The following PTPRS variants were observed in gnomAD, a reference collection of about 807,000 sequenced individuals.
PTPRS encodes the protein receptor-type tyrosine-protein phosphatase S.
In PTPRS, 63 loss-of-function variants were observed where a neutral mutation model predicts 215.3. That is an observed-to-expected ratio of 0.29 (90% CI 0.24 to 0.36). PTPRS has a LOEUF of 0.36. Among genes scored for constraint, PTPRS ranks in the 10% least tolerant of loss-of-function variants. PTPRS has a pLI of 1.00. For missense variants in PTPRS, 2,258 were observed against 2,825.8 expected (o/e 0.80, Z 4.56); for synonymous variants, 1,404 against 1,191.4 (o/e 1.18, Z -3.68).
chr19:5,236,374 G>A (rs1241760195), intron 13 of PTPRS, among the ~76,000 whole-genome samples: 2 of 152,254 alleles, frequency 1.3e-5, no homozygotes, highest in African/African-American at 4.8e-5. Context: ...ACTTGGCCGT[G>A]ATTCACAGGC....
In PTPRS at chr19:5,231,381, G is replaced by A. The variant is rs370330291; in HGVS notation, c.2084C>T (p.Thr695Met). ...TCCCACCTCTGTGTGAGCGACAGTC[G>A]TGATGCGGTACTGGGTCCACTTCTC... ...ALEKWTQYRITTVAHTEVGPG... is the reference protein window; with the variant it reads ...ALEKWTQYRIMTVAHTEVGPG... Residue 695 changes from threonine to methionine, a missense_variant, in exon 14 of 38, where the codon ACG (threonine) becomes ATG (methionine). Physicochemically the swap from Thr to Met is moderately conservative, Grantham distance 81. This residue lies in a region of PTPRS where 371 missense variants were observed against 446.7 expected (regional missense o/e 0.83). Coordinates refer to ENST00000262963, the MANE Select transcript of PTPRS (RefSeq NM_002850.4). 9 of 1,612,934 alleles carry A rather than the reference G, an allele frequency of 5.6e-6. No individual in the cohort carries two copies. Among genetic ancestry groups the A allele is most frequent in the African/African-American group, 1.3e-5 (1 of 74,864 alleles).
chr19:5,210,388 T>C lies in PTPRS; in HGVS notation c.5487+81A>G. 1 of 1,590,454 alleles carries C rather than the reference T, an allele frequency of 6.3e-7. No homozygotes were observed. Among genetic ancestry groups the C allele is most frequent in the Non-Finnish European group, 8.6e-7 (1 of 1,164,170 alleles). The stretch of plus-strand genomic sequence containing the variant: ...AATGCTTATGCCTAACCCTTGGCCT[T>C]TGTATCCATCACCAACCAGGGCAGC... On this transcript the variant is annotated intron_variant, in intron 35 of 37. Coordinates refer to ENST00000262963, the MANE Select transcript of PTPRS (RefSeq NM_002850.4). This position sits in a 1 kb window ranked among gnomAD's most constrained non-coding sequence, Gnocchi z 4.5.
At chr19:5,220,884 G>T in intron 20 of PTPRS, 116 bp downstream of exon 20, 2 of 1,232,648 alleles carry the variant, frequency 1.6e-6, no homozygotes, top group South Asian at 2.9e-5. Context: ...AGGGCTGATA[G>T]GGTCTGTGTT....
In PTPRS at chr19:5,338,015, G is replaced by T. The variant is rs1045624694; in HGVS notation, c.-95+2649C>A. ...GCTCTCAAGGTTTCCTGGAGAGGGG[G>T]AAATCGTCCCCGGAGCTGACCTGCC... On this transcript the variant is annotated intron_variant, in intron 1 of 37. Transcript: ENST00000262963. This position sits in a 1 kb window ranked among gnomAD's most constrained non-coding sequence, Gnocchi z 4.2. 3.3e-5 allele frequency among the ~76,000 whole-genome samples: 5 copies of T among 152,134 alleles called. No homozygotes were observed. Among genetic ancestry groups the T allele is most frequent in the Non-Finnish European group, 5.9e-5 (4 of 68,016 alleles).
chr19:5,314,927 T>C (rs2049824146), intron 1 of PTPRS, among the ~76,000 whole-genome samples: 1 of 152,192 alleles, frequency 6.6e-6, no homozygotes, highest in Non-Finnish European at 1.5e-5. Flanking sequence ...ATGGCGTCAT[T>C]CAGATTTGGG....
At chr19:5,292,198 T>C (rs11085123) in intron 1 of PTPRS, among the ~76,000 whole-genome samples, 24,103 of 152,114 alleles carry the variant, frequency 0.16, 3,110 homozygotes, top group African/African-American at 0.36. Context: ...ATGCACTGGA[T>C]GCCTGCTGCA....
rs1283176225 is a variant in PTPRS, at chr19:5,210,934, A to G, written c.5235-129T>C. 4.6e-6 allele frequency: 6 copies of G among 1,300,338 alleles called. No individual in the cohort carries two copies. The highest frequency in any genetic ancestry group is 5.2e-6 in the Non-Finnish European group (5 of 967,016). 80.6% of individuals were successfully genotyped at this position (1,300,338 alleles called of 1,614,324 possible). A position where few individuals can be genotyped will look rare whatever the true frequency, so the allele number is the denominator to read the frequency against. On this transcript the variant is annotated intron_variant, in intron 33 of 37. Transcript: ENST00000262963. The surrounding 1 kb of genome is among the most constrained non-coding windows in gnomAD (Gnocchi z 4.5). ...CCTACCACCCCACTGCCTGCCAGGA[A>G]TGGCTGCTGGGTGCACCACTTCCCC...
intron 37 of PTPRS, among the ~76,000 whole-genome samples, chr19:5,207,565 C>T (rs1468155688): frequency 6.6e-6 from 1 of 152,196 alleles, no homozygotes; most frequent in African/African-American, 2.4e-5. Flanking sequence ...CTGGAACATT[C>T]CCCTTGAAGC....
At chr19:5,226,058 C>T (rs1393770220) in intron 16 of PTPRS, among the ~76,000 whole-genome samples, 2 of 152,160 alleles carry the variant, frequency 1.3e-5, no homozygotes, top group Non-Finnish European at 1.5e-5. Context: ...TTGTCGCTTG[C>T]CAGGACCAAC....
At chr19:5,260,904 G>A (rs2045943856) in intron 6 of PTPRS, 82 bp from the exon 7 acceptor site, 1 of 1,519,612 alleles carries the variant, frequency 6.6e-7, no homozygotes. Flanking sequence ...AGCTGGGCTG[G>A]GCCGTAAGCC....
At chr19:5,281,073 T>C (rs2146769006) in intron 2 of PTPRS, among the ~76,000 whole-genome samples, 1 of 152,044 alleles carries the variant, frequency 6.6e-6, no homozygotes, top group South Asian at 2.1e-4. Flanking sequence ...ATTACAGGTA[T>C]GAGGCGCCGC....
chr19:5,339,356 GGGAGACGA>G lies in PTPRS; in HGVS notation c.-95+1300_-95+1307del, dbSNP rs1465215104. ...GGCGTTCTTGGAAGCTGCATATTTA[GGGAGACGA>G]GAAGACGATTTGAGACTGGGGAAAG... On this transcript the variant is annotated intron_variant, in intron 1 of 37. Transcript: ENST00000262963. The surrounding 1 kb of genome is among the most constrained non-coding windows in gnomAD (Gnocchi z 4.2). Among the ~76,000 whole-genome samples the G allele has an allele frequency of 2.6e-5, 4 of 152,230 alleles. No individual in the cohort carries two copies. The highest frequency in any genetic ancestry group is 9.6e-5 in the African/African-American group (4 of 41,548).
At chr19:5,247,695 A>G (rs1201755418) in intron 9 of PTPRS, among the ~76,000 whole-genome samples, 1 of 151,900 alleles carries the variant, frequency 6.6e-6, no homozygotes, top group Non-Finnish European at 1.5e-5. Flanking sequence ...GGGTGGTCTC[A>G]GGGGGTCTGG....
At chr19:5,321,466 C>T (rs1271666949) in intron 1 of PTPRS, among the ~76,000 whole-genome samples, 2 of 152,206 alleles carry the variant, frequency 1.3e-5, no homozygotes, top group Admixed American at 6.5e-5. Flanking sequence ...AAGGATCTAC[C>T]GCCTAGAAGT....
At chr19:5,232,926 G>A (rs1205717139) in intron 13 of PTPRS, among the ~76,000 whole-genome samples, 3 of 145,726 alleles carry the variant, frequency 2.1e-5, no homozygotes, top group Non-Finnish European at 4.5e-5. Context: ...AACAGTAAAA[G>A]CATCCATTTA....
intron 22 of PTPRS, 76 bp downstream of exon 22, chr19:5,219,863 G>T: frequency 1.3e-6 from 2 of 1,507,572 alleles, no homozygotes; most frequent in Non-Finnish European, 1.8e-6. Context: ...GACCACAGAG[G>T]TCAGGGCCCT....
chr19:5,207,455 CCTCAGCCTCCCAA>C (rs2040468035), intron 37 of PTPRS, among the ~76,000 whole-genome samples: 1 of 152,214 alleles, frequency 6.6e-6, no homozygotes, highest in Admixed American at 6.5e-5. Context: ...GATCCTCCCA[CCTCAGCCTCCCAA>C]AGTGCTGGGA....
Position 5,277,698 on chromosome 19 carries a change from GC to G in PTPRS, c.92-3355del. 5.2e-6 allele frequency: 3 copies of G among 582,026 alleles called. No homozygotes were observed. The East Asian group carries it at 1.1e-4, about 21-fold the overall frequency. The allele number at this position is 582,026 out of a possible 1,614,324, so 36.1% of individuals were successfully genotyped here. A position where few individuals can be genotyped will look rare whatever the true frequency, so the allele number is the denominator to read the frequency against. ...GGAAAAGCCTCCCTTCCTCGGCGCT[GC>G]CTAAGGAGGTGGCAGCCGTCTCCTC... is the stretch of plus-strand genomic sequence containing the variant. On this transcript the variant is annotated intron_variant, in intron 2 of 37. Transcript: ENST00000262963.
At position 5,320,613 on chromosome 19, in the gene PTPRS, A is replaced by G. The variant is rs376313621; in HGVS notation, c.-95+20051T>C. Among the ~76,000 whole-genome samples the G allele has an allele frequency of 3.3e-5, 5 of 152,106 alleles. No individual in the cohort carries two copies. In the East Asian group the frequency reaches 7.8e-4, roughly 24 times the overall value. ...TCATTTTTGTATCTTTTTAGTAAAGATGGGGTTTCGCCATGTTGATCAGGC... is the reference window on the plus strand; with the variant it reads ...TCATTTTTGTATCTTTTTAGTAAAGGTGGGGTTTCGCCATGTTGATCAGGC... On this transcript the variant is annotated intron_variant, in intron 1 of 37. Transcript: ENST00000262963.
Sources: gnomAD v4.1 joint callset for allele counts (sites outside exome capture counted in the v4.1 genomes callset) on GRCh38, gnomAD v4.1.1 for gene constraint, gnomAD v4.1.1 regional missense constraint, Gnocchi (gnomAD v3.1) non-coding constraint, MANE v1.5 for transcripts, NCBI Gene and HGNC (gene_info 2026-07-23, HGNC 2026-07-21) for gene names.